The following ARHGAP26 variants were observed in gnomAD, a reference collection of about 807,000 sequenced individuals.
ARHGAP26 encodes Rho GTPase activating protein 26.
In ARHGAP26, 38 loss-of-function variants were observed where a neutral mutation model predicts 104.8. The ratio of observed to expected loss-of-function variants is 0.36; its 90% confidence interval spans 0.28 to 0.48. The LOEUF (loss-of-function observed/expected upper bound fraction) is 0.48, where lower values mean the gene tolerates loss of function less well. Among genes scored for constraint, ARHGAP26 ranks in the 20% least tolerant of loss-of-function variants. The probability of loss-of-function intolerance (pLI) is 0.99; values close to 1 mark genes in which losing one functional copy is unlikely to be tolerated. For missense variants in ARHGAP26, 704 were observed against 947.9 expected, an observed-to-expected ratio of 0.74 and a Z score of 3.38; for synonymous variants, 341 against 340.0, an observed-to-expected ratio of 1.00 and a Z score of -0.03.
intron 18 of ARHGAP26, among the ~76,000 whole-genome samples, chr5:143,130,807 C>T (rs967860600): frequency 6.6e-6 from 1 of 152,180 alleles, no homozygotes; most frequent in Non-Finnish European, 1.5e-5. Context: ...GAATGATTTT[C>T]CAGAGTCATT....
chr5:142,931,603 C>T (rs1020107992), intron 10 of ARHGAP26, among the ~76,000 whole-genome samples: 5 of 152,182 alleles, frequency 3.3e-5, no homozygotes, highest in Admixed American at 6.5e-5. Context: ...TATTAGGAGA[C>T]AAGCATGCCT....
chr5:143,070,530 C>T (rs942645932), intron 17 of ARHGAP26, among the ~76,000 whole-genome samples: 5 of 152,188 alleles, frequency 3.3e-5, no homozygotes, highest in Non-Finnish European at 7.3e-5. Context: ...AAAGACACCC[C>T]ATGCTCATGG....
At chr5:143,178,297 G>T (rs1803793809) in intron 20 of ARHGAP26, among the ~76,000 whole-genome samples, 1 of 152,150 alleles carries the variant, frequency 6.6e-6, no homozygotes, top group African/African-American at 2.4e-5. Flanking sequence ...ACCGTGCCCA[G>T]CCTGTGTGGC....
chr5:142,918,664 G>A (rs930515237), intron 10 of ARHGAP26, among the ~76,000 whole-genome samples: 1 of 151,796 alleles, frequency 6.6e-6, no homozygotes, highest in Admixed American at 6.6e-5. Flanking sequence ...TTTTGGGGTG[G>A]GGGGGATGTT....
At chr5:142,884,959 C>A (rs1164234308) in intron 4 of ARHGAP26, among the ~76,000 whole-genome samples, 1 of 152,178 alleles carries the variant, frequency 6.6e-6, no homozygotes, top group Non-Finnish European at 1.5e-5. Flanking sequence ...GCTCCCCAGC[C>A]CCCAACCCCT....
chr5:142,888,028 C>T (rs953699044), intron 5 of ARHGAP26, among the ~76,000 whole-genome samples: 1 of 152,244 alleles, frequency 6.6e-6, no homozygotes, highest in South Asian at 2.1e-4. Flanking sequence ...GATATTACTA[C>T]TGCCACTAAC....
At chr5:143,036,406 T>G (rs1409869449) in intron 12 of ARHGAP26, among the ~76,000 whole-genome samples, 3 of 152,220 alleles carry the variant, frequency 2.0e-5, no homozygotes, top group Non-Finnish European at 4.4e-5. Flanking sequence ...GTTGATCATT[T>G]ATTTTCTGGG....
In ARHGAP26 at chr5:143,173,255, G is replaced by A. The variant is rs373853598; in HGVS notation, c.1988+25874G>A. On this transcript the variant is annotated intron_variant, in intron 20 of 22. Coordinates refer to ENST00000645722, the MANE Select transcript of ARHGAP26 (RefSeq NM_001135608.3). ...GAGAAAATAAATATGGAGTGCCCTC[G>A]AACTCTTTGGCCTCAACTGATCCTC... 6 of 155,036 alleles carry A rather than the reference G, an allele frequency of 3.9e-5. No homozygotes were observed. The East Asian group carries it at 7.0e-4, about 18-fold the overall frequency. The allele number at this position is 155,036 out of a possible 1,614,324, so 9.6% of individuals were successfully genotyped here.
intron 17 of ARHGAP26, among the ~76,000 whole-genome samples, chr5:143,110,151 A>T (rs757423326): frequency 2.6e-5 from 4 of 152,216 alleles, no homozygotes; most frequent in Non-Finnish European, 5.9e-5. Flanking sequence ...GTCTAAAGCT[A>T]CAAACATTTC....
chr5:142,873,091 T>A (rs1226387704), intron 1 of ARHGAP26, among the ~76,000 whole-genome samples: 1 of 152,192 alleles, frequency 6.6e-6, no homozygotes, highest in Non-Finnish European at 1.5e-5. Flanking sequence ...CCAAGCTTTC[T>A]CCCCGACTTC....
chr5:143,157,758 G>A (rs577796044), intron 20 of ARHGAP26, among the ~76,000 whole-genome samples: 115 of 152,250 alleles, frequency 7.6e-4, no homozygotes, highest in South Asian at 5.6e-3. Flanking sequence ...TAAGTGTATG[G>A]CCACAAATAG....
chr5:143,024,485 A>T (rs1780760581), intron 12 of ARHGAP26, among the ~76,000 whole-genome samples: 1 of 151,932 alleles, frequency 6.6e-6, no homozygotes, highest in African/African-American at 2.4e-5. Context: ...CAGCCAAGAG[A>T]CAGTGAGCAG....
At chr5:143,199,708 T>C (rs1807413386) in intron 20 of ARHGAP26, among the ~76,000 whole-genome samples, 1 of 152,128 alleles carries the variant, frequency 6.6e-6, no homozygotes, top group Non-Finnish European at 1.5e-5. Context: ...CTGAGACATA[T>C]CACTGGGGAC....
intron 6 of ARHGAP26, among the ~76,000 whole-genome samples, chr5:142,898,179 C>T (rs1313325152): frequency 6.7e-6 from 1 of 150,148 alleles, no homozygotes; most frequent in East Asian, 1.9e-4. Context: ...CACACATACA[C>T]ACACACACAC....
At chr5:143,121,238 G>A (rs1599108713) in intron 18 of ARHGAP26, 91 bp downstream of exon 18, 1 of 1,335,018 alleles carries the variant, frequency 7.5e-7, no homozygotes, top group East Asian at 2.4e-5. Flanking sequence ...GATTTGCATT[G>A]CTAATCACTC....
At chr5:143,108,766 C>G (rs1046144360) in intron 17 of ARHGAP26, among the ~76,000 whole-genome samples, 1 of 152,242 alleles carries the variant, frequency 6.6e-6, no homozygotes, top group African/African-American at 2.4e-5. Flanking sequence ...CTGTCCATCT[C>G]TCTGTAACAT....
chr5:142,947,289 G>A (rs770211966), intron 11 of ARHGAP26, among the ~76,000 whole-genome samples: 1 of 152,100 alleles, frequency 6.6e-6, no homozygotes, highest in African/African-American at 2.4e-5. Context: ...GTAAATTGAT[G>A]TGGACTTTTT....
At chr5:143,103,736 G>C (rs146366614) in intron 17 of ARHGAP26, among the ~76,000 whole-genome samples, 1,633 of 152,292 alleles carry the variant, frequency 0.011, 34 homozygotes, top group East Asian at 0.087. Flanking sequence ...GTAAGTGGGA[G>C]TTGAACAGTG....
chr5:142,888,202 T>C (rs944483201), intron 5 of ARHGAP26, among the ~76,000 whole-genome samples: 6 of 152,210 alleles, frequency 3.9e-5, no homozygotes, highest in Non-Finnish European at 8.8e-5. Flanking sequence ...GAGGCTCAGA[T>C]AGGATAAATA....
Sources: gnomAD v4.1 joint callset for allele counts (sites outside exome capture counted in the v4.1 genomes callset) on GRCh38, gnomAD v4.1.1 for gene constraint, MANE v1.5 for transcripts, NCBI Gene and HGNC (gene_info 2026-07-23, HGNC 2026-07-21) for gene names.